The following STK24 variants were observed in gnomAD, a reference collection of about 807,000 sequenced individuals.
STK24 encodes serine/threonine kinase 24.
Under a neutral mutation model 55.6 loss-of-function variants are expected in STK24, and 21 were observed. The ratio of observed to expected loss-of-function variants is 0.38; its 90% confidence interval spans 0.27 to 0.54. The LOEUF (loss-of-function observed/expected upper bound fraction) is 0.54, where lower values mean the gene tolerates loss of function less well. Among genes scored for constraint, STK24 ranks in the 20% least tolerant of loss-of-function variants. The probability of loss-of-function intolerance (pLI) is 0.79; values close to 1 mark genes in which losing one functional copy is unlikely to be tolerated. For missense variants in STK24, 383 were observed against 538.4 expected (o/e 0.71, Z 2.86); for synonymous variants, 200 against 215.2 (o/e 0.93, Z 0.62).
chr13:98,508,327 G>A (rs1311510305), intron 2 of STK24, among the ~76,000 whole-genome samples: 1 of 152,160 alleles, frequency 6.6e-6, no homozygotes, highest in East Asian at 1.9e-4. Context: ...TAAAACTAGT[G>A]TGATAAAGTC....
chr13:98,509,476 A>C (rs1895802961), intron 2 of STK24, among the ~76,000 whole-genome samples: 2 of 151,600 alleles, frequency 1.3e-5, no homozygotes, highest in Admixed American at 1.3e-4. Flanking sequence ...AACAGTCTCA[A>C]CAGTTCCTCA....
chr13:98,547,589 A>G (rs1362440056), intron 1 of STK24, among the ~76,000 whole-genome samples: 1 of 152,202 alleles, frequency 6.6e-6, no homozygotes, highest in Non-Finnish European at 1.5e-5. Context: ...AAAAGTCAAT[A>G]GGTTGTTTGC....
chr13:98,575,575 C>G (rs1897868521), intron 1 of STK24, among the ~76,000 whole-genome samples: 1 of 152,128 alleles, frequency 6.6e-6, no homozygotes, highest in African/African-American at 2.4e-5. Flanking sequence ...GGGATGATCT[C>G]ACTGGAAGAG....
chr13:98,576,739 G>T lies in STK24; in HGVS notation c.42+6C>A, dbSNP rs1404649465. The T allele has an allele frequency of 6.9e-7, 1 of 1,459,654 alleles. No homozygotes were observed. Among genetic ancestry groups the T allele is most frequent in the Non-Finnish European group, 9.0e-7 (1 of 1,110,072 alleles). The allele number at this position is 1,459,654 out of a possible 1,614,324, so 90.4% of individuals were successfully genotyped here. A position where few individuals can be genotyped will look rare whatever the true frequency, so the allele number is the denominator to read the frequency against. On this transcript the variant is annotated splice_donor_region_variant and intron_variant, in intron 1 of 10. Coordinates refer to ENST00000539966, the MANE Select transcript of STK24 (RefSeq NM_001032296.4). ...CATCCCGGCCCCGCGGCCCGCGCCC[G>T]CCTACCTGCATGCCGGGCAGGCCCG...
intron 1 of STK24, among the ~76,000 whole-genome samples, chr13:98,556,736 T>C (rs1897298028): frequency 6.6e-6 from 1 of 152,176 alleles, no homozygotes; most frequent in Non-Finnish European, 1.5e-5. Context: ...TTTTTGCAGG[T>C]GCAACCAAGA....
At position 98,448,918 on chromosome 13, in the gene STK24, C is replaced by A. The variant is rs536119027; in HGVS notation, c.*4255G>T. The A allele has an allele frequency of 6.6e-6, 1 of 152,318 alleles. No individual in the cohort carries two copies. Among genetic ancestry groups the A allele is most frequent in the East Asian group, 1.9e-4 (1 of 5,184 alleles). The allele number at this position is 152,318 out of a possible 1,614,324, so 9.4% of individuals were successfully genotyped here. A position where few individuals can be genotyped will look rare whatever the true frequency, so the allele number is the denominator to read the frequency against. ...GTTCCACTGCGGGGTTTCACGCTCA[C>A]CTGAAAACACCTGTTCCCAACCTAC... On this transcript the variant is annotated 3_prime_UTR_variant, in exon 11 of 11. Transcript: ENST00000539966.
At chr13:98,495,231 C>T (rs1003195792) in intron 2 of STK24, among the ~76,000 whole-genome samples, 1 of 152,178 alleles carries the variant, frequency 6.6e-6, no homozygotes, top group African/African-American at 2.4e-5. Context: ...ATTGATTTGC[C>T]TCCCTGGAAA....
At chr13:98,472,160 G>T (rs895768740) in intron 5 of STK24, among the ~76,000 whole-genome samples, 1 of 152,188 alleles carries the variant, frequency 6.6e-6, no homozygotes, top group African/African-American at 2.4e-5. Context: ...CGCCCAGTGG[G>T]AAACAAAGGA....
chr13:98,519,417 G>A lies in STK24; in HGVS notation c.99C>T (p.Gly33=). 1.9e-6 allele frequency: 3 copies of A among 1,614,208 alleles called. No homozygotes were observed. Among genetic ancestry groups the A allele is most frequent in the Non-Finnish European group, 2.5e-6 (3 of 1,180,042 alleles). ...LFTKLEKIGK[G]SFGEVFKGID... is the part of the protein sequence containing the mutation. ...TGCCTTTGAACACCTCTCCAAAGGA[G>A]CCCTTCCCAATTTTCTCTAGTTTTG... is the stretch of plus-strand genomic sequence containing the variant. Residue 33 remains glycine (G), a synonymous_variant, in exon 2 of 11, where the codon GGC becomes GGT. Transcript: ENST00000539966.
chr13:98,482,222 G>C (rs768476588), intron 3 of STK24, 43 bp downstream of exon 3: 4 of 1,199,812 alleles, frequency 3.3e-6, no homozygotes, highest in Non-Finnish European at 4.6e-6. Flanking sequence ...GGTTTCCTGA[G>C]AAAAAGCTTT....
At position 98,457,387 on chromosome 13, in the gene STK24, C is replaced by T. The variant is rs532512123; in HGVS notation, c.1123-83G>A. ...GCATGCTGTTCAAGGAACAACACGG[C>T]GTGTGGACCACGACACTACCCCAGC... On this transcript the variant is annotated intron_variant, in intron 9 of 10. Coordinates refer to ENST00000539966, the MANE Select transcript of STK24 (RefSeq NM_001032296.4). The T allele has an allele frequency of 2.1e-5, 33 of 1,574,758 alleles. No homozygotes were observed. The African/African-American group carries it at 3.8e-4, about 18-fold the overall frequency.
intron 2 of STK24, among the ~76,000 whole-genome samples, chr13:98,507,884 G>A (rs770924279): frequency 5.3e-5 from 8 of 152,124 alleles, no homozygotes; most frequent in Admixed American, 3.3e-4. Flanking sequence ...AAAGCCCATT[G>A]CAGATCTCTT....
chr13:98,485,123 T>C (rs1353863800), intron 2 of STK24, among the ~76,000 whole-genome samples: 2 of 152,122 alleles, frequency 1.3e-5, no homozygotes, highest in Non-Finnish European at 2.9e-5. Flanking sequence ...CACCGCCCAG[T>C]GGGTTCACCT....
intron 1 of STK24, among the ~76,000 whole-genome samples, chr13:98,552,481 A>T (rs188041652): frequency 5.6e-4 from 86 of 152,290 alleles, no homozygotes; most frequent in African/African-American, 1.8e-3. Context: ...GAAAAGACTA[A>T]GGGAAATTTG....
chr13:98,487,567 T>C (rs1171506523), intron 2 of STK24, among the ~76,000 whole-genome samples: 1 of 152,200 alleles, frequency 6.6e-6, no homozygotes, highest in East Asian at 1.9e-4. Context: ...AAAATAGTTA[T>C]GCACATACGA....
chr13:98,507,592 C>G (rs777996066), intron 2 of STK24, among the ~76,000 whole-genome samples: 5 of 152,150 alleles, frequency 3.3e-5, no homozygotes, highest in Non-Finnish European at 5.9e-5. Flanking sequence ...CAAGGAATAC[C>G]GTATCTTAGG....
intron 2 of STK24, among the ~76,000 whole-genome samples, chr13:98,488,736 C>T (rs1894903823): frequency 1.3e-5 from 2 of 152,074 alleles, no homozygotes; most frequent in South Asian, 2.1e-4. Flanking sequence ...AATCATTGAC[C>T]GGAACCAGGG....
intron 2 of STK24, among the ~76,000 whole-genome samples, chr13:98,510,140 G>A (rs976939729): frequency 6.6e-6 from 1 of 152,300 alleles, no homozygotes; most frequent in East Asian, 1.9e-4. Context: ...GGACGTGTGG[G>A]AGCAAACAAG....
At chr13:98,524,867 G>A (rs182819797) in intron 1 of STK24, among the ~76,000 whole-genome samples, 56 of 152,300 alleles carry the variant, frequency 3.7e-4, no homozygotes, top group East Asian at 3.3e-3. Context: ...GTTTCCAGGC[G>A]TACGGCACCT....
Sources: allele counts gnomAD v4.1 joint callset (sites outside exome capture counted in the v4.1 genomes callset), GRCh38; gene constraint gnomAD v4.1.1; transcripts MANE v1.5; gene names NCBI Gene and HGNC (gene_info 2026-07-23, HGNC 2026-07-21).